The following TMEFF2 variants were observed in gnomAD, a reference collection of about 807,000 sequenced individuals.
The protein encoded by TMEFF2 is tomoregulin-2.
In TMEFF2, 28 loss-of-function variants were observed where a neutral mutation model predicts 53.8. The observed-to-expected ratio is 0.52, with a 90% confidence interval of 0.39 to 0.71. TMEFF2 has a LOEUF of 0.71. TMEFF2 is among the 30% of genes least tolerant of loss of function. The pLI is 0.00. For missense variants in TMEFF2, 353 were observed against 455.2 expected, an observed-to-expected ratio of 0.78 and a Z score of 2.04; for synonymous variants, 162 against 166.3, an observed-to-expected ratio of 0.97 and a Z score of 0.20.
At chr2:192,113,562 T>C (rs570480204) in intron 4 of TMEFF2, among the ~76,000 whole-genome samples, 29 of 152,322 alleles carry the variant, frequency 1.9e-4, no homozygotes, top group African/African-American at 6.3e-4. Flanking sequence ...GGAATAAACA[T>C]ATCACTTAAT....
At chr2:191,983,195 G>C (rs1685895193) in intron 7 of TMEFF2, among the ~76,000 whole-genome samples, 1 of 152,150 alleles carries the variant, frequency 6.6e-6, no homozygotes, top group Non-Finnish European at 1.5e-5. Context: ...CTGACAGGCA[G>C]GTGGTGAATA....
rs1011972381 is a variant in TMEFF2, at chr2:192,175,400, C to T, written c.439+4268G>A. 2.6e-5 allele frequency among the ~76,000 whole-genome samples: 4 copies of T among 151,606 alleles called. No homozygotes were observed. In the South Asian group the frequency reaches 8.3e-4, roughly 31 times the overall value. ...AAGCAAATGTCTTAATTATGGACAT[C>T]TTTGGTAATGTTATATGAAAATAAT... On this transcript the variant is annotated intron_variant, in intron 4 of 9. Coordinates refer to ENST00000272771, the MANE Select transcript of TMEFF2 (RefSeq NM_016192.4).
intron 5 of TMEFF2, chr2:192,028,488 G>A (rs1179402353): frequency 2.0e-5 from 3 of 151,810 alleles, no homozygotes; most frequent in South Asian, 4.2e-4. Flanking sequence ...TTGTGTGTGT[G>A]TGTGTGTGTG....
intron 2 of TMEFF2, among the ~76,000 whole-genome samples, chr2:192,189,716 G>C (rs1166374073): frequency 1.3e-5 from 2 of 151,984 alleles, no homozygotes; most frequent in Non-Finnish European, 2.9e-5. Context: ...TTCATGTATT[G>C]GGAAAAGATG....
intron 5 of TMEFF2, among the ~76,000 whole-genome samples, chr2:192,013,985 C>T (rs530790717): frequency 2.6e-5 from 4 of 152,290 alleles, no homozygotes; most frequent in South Asian, 4.1e-4. Flanking sequence ...ATTCAAATTA[C>T]ATGTTAATTA....
rs571156511 is a variant in TMEFF2, at chr2:192,140,866, G to C, written c.439+38802C>G. ...CAGGCAGGACAGGGGGAATGATGTA[G>C]AGTTGATTTCTGAATAGGGCAGGAA... On this transcript the variant is annotated intron_variant, in intron 4 of 9. Coordinates refer to ENST00000272771, the MANE Select transcript of TMEFF2 (RefSeq NM_016192.4). 2.0e-5 allele frequency among the ~76,000 whole-genome samples: 3 copies of C among 152,304 alleles called. No homozygotes were observed. In the South Asian group the frequency reaches 6.2e-4, roughly 32 times the overall value.
At chr2:192,014,897 T>C (rs1427246458) in intron 5 of TMEFF2, among the ~76,000 whole-genome samples, 2 of 152,228 alleles carry the variant, frequency 1.3e-5, no homozygotes, top group Admixed American at 6.5e-5. Context: ...AAATATTACA[T>C]AAATACTTTG....
intron 5 of TMEFF2, among the ~76,000 whole-genome samples, chr2:192,002,776 G>C (rs1257223345): frequency 6.6e-6 from 1 of 152,134 alleles, no homozygotes; most frequent in African/African-American, 2.4e-5. Context: ...GTTGCGGTGA[G>C]CTGAGATCCC....
At chr2:192,031,124 T>A (rs534446495) in intron 5 of TMEFF2, among the ~76,000 whole-genome samples, 1 of 152,326 alleles carries the variant, frequency 6.6e-6, no homozygotes, top group African/African-American at 2.4e-5. Flanking sequence ...TCCTTGGTCA[T>A]CCTATCTGAA....
At chr2:192,184,294 A>T in intron 3 of TMEFF2, 60 bp downstream of exon 3, 1 of 1,589,732 alleles carries the variant, frequency 6.3e-7, no homozygotes, top group South Asian at 1.1e-5. Context: ...AAGAAATGAA[A>T]GACATGGTTT....
At chr2:192,079,081 C>T (rs929178138) in intron 4 of TMEFF2, among the ~76,000 whole-genome samples, 1 of 152,180 alleles carries the variant, frequency 6.6e-6, no homozygotes, top group East Asian at 1.9e-4. Flanking sequence ...CACCTTCAAC[C>T]GTTAAGGCCT....
intron 5 of TMEFF2, chr2:192,028,680 G>A (rs1039458870): frequency 1.3e-5 from 2 of 152,044 alleles, no homozygotes; most frequent in African/African-American, 4.8e-5. Context: ...ATCATGATGT[G>A]CAATAAAAAC....
chr2:192,114,650 T>C (rs575185176), intron 4 of TMEFF2, among the ~76,000 whole-genome samples: 168 of 152,026 alleles, frequency 1.1e-3, no homozygotes, highest in African/African-American at 3.6e-3. Context: ...ACTCTAATGA[T>C]GAATAAGTTA....
At chr2:191,956,421 G>C (rs752281876) in intron 7 of TMEFF2, 43 bp from the exon 8 acceptor site, 1 of 1,594,162 alleles carries the variant, frequency 6.3e-7, no homozygotes, top group Non-Finnish European at 8.5e-7. Context: ...TAAATACTTA[G>C]CCTGGTAAGA....
At position 192,024,686 on chromosome 2, in the gene TMEFF2, GA is replaced by G. The variant is rs1429079896; in HGVS notation, c.537-25479del. 1.3e-4 allele frequency among the ~76,000 whole-genome samples: 20 copies of G among 152,302 alleles called. No homozygotes were observed. In the East Asian group the frequency reaches 3.7e-3, roughly 28 times the overall value. ...TAAGGGATAAGGAAGATGAATGCCA[GA>G]ATTTTACTTTTTTAAGCACTTTATT... On this transcript the variant is annotated intron_variant, in intron 5 of 9. Transcript: ENST00000272771.
chr2:192,189,461 C>T (rs1374669332), intron 2 of TMEFF2, among the ~76,000 whole-genome samples: 1 of 143,022 alleles, frequency 7.0e-6, no homozygotes, highest in East Asian at 2.1e-4. Context: ...ACAAGAATTG[C>T]TGGGACCCAG....
chr2:192,081,743 A>T (rs1216389815), intron 4 of TMEFF2, among the ~76,000 whole-genome samples: 1 of 151,914 alleles, frequency 6.6e-6, no homozygotes, highest in Non-Finnish European at 1.5e-5. Context: ...CTTTAAAATC[A>T]TACTTTTAAA....
intron 4 of TMEFF2, among the ~76,000 whole-genome samples, chr2:192,109,402 A>G (rs1037980279): frequency 6.6e-6 from 1 of 151,958 alleles, no homozygotes; most frequent in Non-Finnish European, 1.5e-5. Context: ...TCAATTTCCC[A>G]TCCCTTCAAG....
chr2:192,107,701 C>A (rs541873810), intron 4 of TMEFF2, among the ~76,000 whole-genome samples: 1 of 151,766 alleles, frequency 6.6e-6, no homozygotes, highest in African/African-American at 2.4e-5. Context: ...ACACTGAAGT[C>A]TTTGTTAGTT....
Sources: allele counts gnomAD v4.1 joint callset (sites outside exome capture counted in the v4.1 genomes callset), GRCh38; gene constraint gnomAD v4.1.1; transcripts MANE v1.5; gene names NCBI Gene and HGNC (gene_info 2026-07-23, HGNC 2026-07-21).